Variants in OLA1 observed in about 807,000 individuals in gnomAD.
OLA1 encodes obg-like ATPase 1.
Under a neutral mutation model 48.4 loss-of-function variants are expected in OLA1, and 14 were observed. The ratio of observed to expected loss-of-function variants is 0.29; its 90% confidence interval spans 0.19 to 0.45. The LOEUF is 0.45. Among genes scored for constraint, OLA1 ranks in the 20% least tolerant of loss-of-function variants. The probability of loss-of-function intolerance (pLI) is 1.00; values close to 1 mark genes in which losing one functional copy is unlikely to be tolerated. For missense variants in OLA1, 325 were observed against 467.1 expected, an observed-to-expected ratio of 0.70 and a Z score of 2.80; for synonymous variants, 127 against 150.4, an observed-to-expected ratio of 0.84 and a Z score of 1.14.
intron 5 of OLA1, among the ~76,000 whole-genome samples, chr2:174,133,709 G>A (rs1686237195): frequency 6.6e-6 from 1 of 152,180 alleles, no homozygotes. Context: ...TGTATTTAAG[G>A]TGTGTTTCTT....
rs560135955 is a variant in OLA1 at position 174,223,852 on chromosome 2, A to G, written c.246-692T>C. 2.0e-5 allele frequency among the ~76,000 whole-genome samples: 3 copies of G among 152,094 alleles called. No individual in the cohort carries two copies. In the South Asian group the frequency reaches 6.2e-4, roughly 32 times the overall value. On this transcript the variant is annotated intron_variant, in intron 3 of 10. Coordinates refer to ENST00000284719, the MANE Select transcript of OLA1 (RefSeq NM_013341.5). ...ACCTAGCTGTTGATAACAGCAACCA[A>G]ATTAGGCTATATACAAAATAACCTT...
At chr2:174,170,593 G>A (rs1034399215) in intron 4 of OLA1, among the ~76,000 whole-genome samples, 1 of 152,122 alleles carries the variant, frequency 6.6e-6, no homozygotes, top group Non-Finnish European at 1.5e-5. Flanking sequence ...CTGTATAAGA[G>A]ATACATTTTA....
chr2:174,159,809 CA>C (rs61367735), intron 4 of OLA1, among the ~76,000 whole-genome samples: 80,336 of 151,298 alleles, frequency 0.53, 21,857 homozygotes, highest in East Asian at 0.94. Flanking sequence ...AATGTTGGAA[CA>C]CCAGACTAAA....
intron 5 of OLA1, among the ~76,000 whole-genome samples, chr2:174,124,940 A>G (rs1005261626): frequency 2.0e-4 from 30 of 152,296 alleles, no homozygotes; most frequent in South Asian, 1.0e-3. Context: ...AGATTTTAAC[A>G]AGGAAGGGGC....
At chr2:174,243,429 A>G (rs894575214) in intron 2 of OLA1, among the ~76,000 whole-genome samples, 2 of 152,212 alleles carry the variant, frequency 1.3e-5, no homozygotes, top group Non-Finnish European at 2.9e-5. Flanking sequence ...ATCTTGTTCA[A>G]AAAACAAAAA....
rs115238852 is a variant in OLA1, at chr2:174,202,209, C to T, written c.373+20824G>A. 1.9e-3 allele frequency among the ~76,000 whole-genome samples: 294 copies of T among 152,144 alleles called. 1 individual carries two copies. Among genetic ancestry groups the T allele is most frequent in the African/African-American group, 6.7e-3 (279 of 41,504 alleles). ...AAGAATTTATCAAAATGTACACATG[C>T]GCACTTAGATTGTTATATGACACCA... is the stretch of plus-strand genomic sequence containing the variant. On this transcript the variant is annotated intron_variant, in intron 4 of 10. Coordinates refer to ENST00000284719, the MANE Select transcript of OLA1 (RefSeq NM_013341.5).
chr2:174,130,144 C>G (rs530600932), intron 5 of OLA1, among the ~76,000 whole-genome samples: 1 of 152,298 alleles, frequency 6.6e-6, no homozygotes, highest in South Asian at 2.1e-4. Context: ...TAGACCTCCA[C>G]TGTGTATTCT....
At position 174,088,732 on chromosome 2, in the gene OLA1, C is replaced by T. The variant is rs533317625; in HGVS notation, c.729-6668G>A. Among the ~76,000 whole-genome samples, 7 of 152,078 alleles carry T rather than the reference C, an allele frequency of 4.6e-5. No individual in the cohort carries two copies. In the South Asian group the frequency reaches 6.2e-4, roughly 14 times the overall value. ...CCCTCTTCTAAAAGAGAGCTAAGGCCGGGCTTGGTGGTTCATGCCTATAAT... is the reference window on the plus strand; with the variant it reads ...CCCTCTTCTAAAAGAGAGCTAAGGCTGGGCTTGGTGGTTCATGCCTATAAT... On this transcript the variant is annotated intron_variant, in intron 7 of 10. Coordinates refer to ENST00000284719, the MANE Select transcript of OLA1 (RefSeq NM_013341.5).
intron 4 of OLA1, among the ~76,000 whole-genome samples, chr2:174,174,128 C>T (rs1687369857): frequency 6.6e-6 from 1 of 151,544 alleles, no homozygotes; most frequent in South Asian, 2.1e-4. Context: ...AACATGAATC[C>T]TCCATAAACT....
intron 4 of OLA1, among the ~76,000 whole-genome samples, chr2:174,169,940 G>C (rs977522771): frequency 2.6e-5 from 4 of 152,126 alleles, no homozygotes; most frequent in Admixed American, 2.6e-4. Flanking sequence ...AATGTGTAGA[G>C]TATTACATAC....
intron 7 of OLA1, among the ~76,000 whole-genome samples, chr2:174,095,325 G>GTTTTTTTTTTTTTTTTT (rs1205716344): frequency 9.0e-5 from 7 of 77,972 alleles, no homozygotes; most frequent in East Asian, 3.1e-4. Flanking sequence ...GTTATTTCCT[G>GTTTTTTTTTTTTTTTTT]TTTTTTTTTT....
At chr2:174,149,503 T>A (rs1333485503) in intron 4 of OLA1, among the ~76,000 whole-genome samples, 3 of 152,188 alleles carry the variant, frequency 2.0e-5, no homozygotes, top group Non-Finnish European at 4.4e-5. Flanking sequence ...AAAATATTTT[T>A]AGTTAGTTAT....
intron 2 of OLA1, among the ~76,000 whole-genome samples, chr2:174,245,236 C>A (rs1689100755): frequency 6.6e-6 from 1 of 152,148 alleles, no homozygotes. Context: ...GCTTACATTT[C>A]AACTCTCTAC....
chr2:174,119,395 C>T (rs1303427524), intron 7 of OLA1, among the ~76,000 whole-genome samples: 1 of 152,052 alleles, frequency 6.6e-6, no homozygotes, highest in Non-Finnish European at 1.5e-5. Context: ...TTGTCAGAAA[C>T]TGATGACCTC....
intron 1 of OLA1, chr2:174,247,669 C>T: frequency 6.4e-7 from 1 of 1,551,078 alleles, no homozygotes; most frequent in Non-Finnish European, 8.7e-7. Flanking sequence ...TGAACACCCA[C>T]CAGGTACTGG....
At chr2:174,236,542 A>C (rs371710013) in intron 2 of OLA1, among the ~76,000 whole-genome samples, 22 of 152,302 alleles carry the variant, frequency 1.4e-4, no homozygotes, top group African/African-American at 5.3e-4. Context: ...GCAGGATACT[A>C]TCTAGGGAAG....
intron 4 of OLA1, among the ~76,000 whole-genome samples, chr2:174,209,810 A>C (rs551998196): frequency 6.6e-6 from 1 of 152,346 alleles, no homozygotes; most frequent in South Asian, 2.1e-4. Flanking sequence ...TATTTTTAGA[A>C]TAGTAATTTC....
At chr2:174,090,580 T>C (rs1488880680) in intron 7 of OLA1, among the ~76,000 whole-genome samples, 1 of 152,204 alleles carries the variant, frequency 6.6e-6, no homozygotes, top group African/African-American at 2.4e-5. Context: ...AAGGCTCCTC[T>C]GGCTCTTAAA....
rs71021672 is a variant in OLA1, at chr2:174,144,951, A to AATAT, written c.374-2955_374-2952dup. ...TGTTTAAAAAAAAAAAAAAAAAAAAAATATATATATATATATATATATATA... is the reference window on the plus strand; with the variant it reads ...TGTTTAAAAAAAAAAAAAAAAAAAAAATATATATATATATATATATATATATATA... On this transcript the variant is annotated intron_variant, in intron 4 of 10. Transcript: ENST00000284719. 3.3e-3 allele frequency among the ~76,000 whole-genome samples: 131 copies of AATAT among 40,278 alleles called. 2 individuals carry two copies. Among genetic ancestry groups the AATAT allele is most frequent in the South Asian group, 0.012 (7 of 580 alleles). 26.4% of individuals were successfully genotyped at this position (40,278 alleles called of 152,430 possible).
Sources: gnomAD v4.1 joint callset for allele counts (sites outside exome capture counted in the v4.1 genomes callset) on GRCh38, gnomAD v4.1.1 for gene constraint, MANE v1.5 for transcripts, NCBI Gene and HGNC (gene_info 2026-07-23, HGNC 2026-07-21) for gene names.